Variants in RAB33A observed in about 807,000 individuals in gnomAD.
RAB33A encodes the protein RAB33A, member RAS oncogene family, also known as ras-related protein Rab-33A.
Under a neutral mutation model 12.0 loss-of-function variants are expected in RAB33A, and 6 were observed. The observed-to-expected ratio is 0.50, with a 90% confidence interval of 0.27 to 0.99. The LOEUF (loss-of-function observed/expected upper bound fraction) is 0.99. Among genes scored for constraint, RAB33A ranks in the 50% least tolerant of loss-of-function variants. The pLI, the probability that RAB33A is intolerant of heterozygous loss-of-function variation, is 0.11. For synonymous variants in RAB33A, 70 were observed against 82.4 expected (o/e 0.85, Z 0.81); for missense variants, 109 against 192.0 (o/e 0.57, Z 2.55).
chrX:130,171,963 C>T lies in RAB33A; in HGVS notation c.-100C>T. 1.0e-6 allele frequency: 1 copy of T among 975,364 alleles called. No individual in the cohort carries two copies. The highest frequency in any genetic ancestry group is 1.4e-6 in the Non-Finnish European group (1 of 735,301). 80.4% of individuals were successfully genotyped at this position (975,364 alleles called of 1,213,427 possible). A position where few individuals can be genotyped will look rare whatever the true frequency, so the allele number is the denominator to read the frequency against. On this transcript the variant is annotated 5_prime_UTR_variant, in exon 1 of 2. Transcript: ENST00000257017. ...GGACACACACACACGCGCGCACACA[C>T]ACACGCACAGAGCTCGCTCGCCTCG...
At chrX:130,155,296 A>C in the RAB33A span, 7 of 1,206,567 alleles carry the variant, frequency 5.8e-6, no homozygotes, top group African/African-American at 1.0e-4. Flanking sequence ...ACTGTAGGTA[A>C]AGATAAGGCC....
At chrX:130,172,378 G>A in intron 1 of RAB33A, 58 bp downstream of exon 1, 1 of 1,146,465 alleles carries the variant, frequency 8.7e-7, no homozygotes, top group Non-Finnish European at 1.2e-6. Context: ...CTCGCCCGAG[G>A]CATAGCTCTA....
the RAB33A span, chrX:130,137,540 T>C: frequency 8.6e-7 from 1 of 1,164,913 alleles, no homozygotes; most frequent in Middle Eastern, 2.3e-4. Context: ...AAAAGAACAT[T>C]AAGAAAACTA....
the RAB33A span, chrX:130,148,050 C>T: frequency 3.5e-6 from 2 of 569,897 alleles, no homozygotes; most frequent in Non-Finnish European, 5.7e-6. Context: ...AGAGGAAAAG[C>T]AAGTATCCCT....
the RAB33A span, among the ~76,000 whole-genome samples, chrX:130,162,282 C>T: frequency 3.6e-5 from 4 of 111,888 alleles, no homozygotes; most frequent in African/African-American, 9.7e-5. Flanking sequence ...TTAATCCTTA[C>T]GTCAGCAAAA....
the RAB33A span, among the ~76,000 whole-genome samples, chrX:130,154,706 T>A: frequency 8.9e-6 from 1 of 112,370 alleles, no homozygotes; most frequent in East Asian, 2.8e-4. Context: ...TGCCTTTTCA[T>A]AGTCAAAGTC....
chrX:130,142,016 T>C, the RAB33A span, among the ~76,000 whole-genome samples: 1 of 111,613 alleles, frequency 9.0e-6, no homozygotes, highest in Non-Finnish European at 1.9e-5. Flanking sequence ...AGCTTTGGAG[T>C]CAGAGAGAAT....
chrX:130,121,252 C>CT, the RAB33A span, among the ~76,000 whole-genome samples: 2,252 of 94,662 alleles, frequency 0.024, 27 homozygotes, highest in African/African-American at 0.038. Flanking sequence ...CTTTTCTTTT[C>CT]TTTTTTTTTT....
At chrX:130,137,746 G>A in the RAB33A span, 1 of 1,028,329 alleles carries the variant, frequency 9.7e-7, no homozygotes, top group South Asian at 3.2e-5. Flanking sequence ...GGCATAGAGG[G>A]TAGAGGAAAA....
chrX:130,151,347 G>A, the RAB33A span, among the ~76,000 whole-genome samples: 2 of 110,685 alleles, frequency 1.8e-5, no homozygotes, highest in Non-Finnish European at 3.8e-5. Context: ...CACTATGTTG[G>A]CCAGGCTGGT....
the RAB33A span, among the ~76,000 whole-genome samples, chrX:130,154,833 G>C: frequency 1.8e-5 from 2 of 112,478 alleles, no homozygotes; most frequent in African/African-American, 6.5e-5. Flanking sequence ...AGACTGTCTT[G>C]TTAGATATGC....
At chrX:130,171,289 T>G (rs5977219), upstream of RAB33A, among the ~76,000 whole-genome samples, 712 of 112,119 alleles carry the variant, frequency 6.4e-3, 5 homozygotes, top group African/African-American at 0.022. Context: ...GAGCATCCCT[T>G]TATCCCAAGG....
At chrX:130,142,128 T>A in the RAB33A span, among the ~76,000 whole-genome samples, 1 of 111,983 alleles carries the variant, frequency 8.9e-6, no homozygotes, top group Non-Finnish European at 1.9e-5. Flanking sequence ...TTTCAGAGTT[T>A]AGTGGCCAAG....
the RAB33A span, among the ~76,000 whole-genome samples, chrX:130,141,325 C>A: frequency 9.0e-6 from 1 of 111,592 alleles, no homozygotes; most frequent in East Asian, 2.8e-4. Flanking sequence ...AATGAGAAGG[C>A]AGGCAACATT....
the RAB33A span, among the ~76,000 whole-genome samples, chrX:130,111,093 C>T: frequency 1.8e-5 from 2 of 108,269 alleles, no homozygotes; most frequent in East Asian, 3.0e-4. Flanking sequence ...GTCGCCAGCA[C>T]GGCATGGGGA....
chrX:130,112,118 G>A, the RAB33A span, among the ~76,000 whole-genome samples: 1 of 112,010 alleles, frequency 8.9e-6, no homozygotes, highest in Non-Finnish European at 1.9e-5. Flanking sequence ...GTGGATGATG[G>A]CCACAAAGGC....
chrX:130,183,897 T>A (rs182463327), intron 1 of RAB33A, among the ~76,000 whole-genome samples: 2,233 of 112,001 alleles, frequency 0.02, 27 homozygotes, highest in Non-Finnish European at 0.028. Flanking sequence ...TCACTTTTTT[T>A]ATTTTTTTTG....
At chrX:130,113,814 T>C in the RAB33A span, among the ~76,000 whole-genome samples, 6 of 112,153 alleles carry the variant, frequency 5.3e-5, no homozygotes, top group South Asian at 2.2e-3. Flanking sequence ...TCTAACTATA[T>C]TTTTGTACCC....
chrX:130,149,422 T>G, the RAB33A span: 1 of 1,063,968 alleles, frequency 9.4e-7, no homozygotes, highest in Non-Finnish European at 1.3e-6. Context: ...TTTATAACTT[T>G]CCCTTTGTGA....
Sources: gnomAD v4.1 joint callset for allele counts (sites outside exome capture counted in the v4.1 genomes callset) on GRCh38, gnomAD v4.1.1 for gene constraint, MANE v1.5 for transcripts, NCBI Gene and HGNC (gene_info 2026-07-23, HGNC 2026-07-21) for gene names.